Variants in AIG1 observed in about 807,000 individuals in gnomAD.
AIG1 encodes androgen induced 1.
In AIG1, 23 loss-of-function variants were observed where a neutral mutation model predicts 31.4. The ratio of observed to expected loss-of-function variants is 0.73; its 90% CI spans 0.53 to 1.04. The LOEUF (loss-of-function observed/expected upper bound fraction) is 1.04. AIG1 is among the 50% of genes least tolerant of loss of function. AIG1 has a pLI of 0.00. For synonymous variants in AIG1, 100 were observed against 110.5 expected, an observed-to-expected ratio of 0.90 and a Z score of 0.60; for missense variants, 274 against 295.0, an observed-to-expected ratio of 0.93 and a Z score of 0.52.
intron 2 of AIG1, among the ~76,000 whole-genome samples, chr6:143,163,479 C>G (rs971637363): frequency 6.6e-6 from 1 of 152,120 alleles, no homozygotes; most frequent in South Asian, 2.1e-4. Flanking sequence ...TCCTAGGATC[C>G]TCAAGTTTTC....
rs112670952 is a variant in AIG1, at chr6:143,132,158, T to C, written c.142-4677T>C. On this transcript the variant is annotated intron_variant, in intron 1 of 5. Transcript: ENST00000357847. ...GCTGTAGTTAATTATCGTTAATAAA[T>C]GTAGAAATTAGAAAAGTAAAAATCT... is the stretch of plus-strand genomic sequence containing the variant. Among the ~76,000 whole-genome samples, 466 of 152,344 alleles carry C rather than the reference T, an allele frequency of 3.1e-3. 5 individuals carry two copies. Among genetic ancestry groups the C allele is most frequent in the African/African-American group, 0.011 (447 of 41,584 alleles).
intron 3 of AIG1, among the ~76,000 whole-genome samples, chr6:143,212,805 C>T (rs919846325): frequency 6.6e-6 from 1 of 152,134 alleles, no homozygotes; most frequent in African/African-American, 2.4e-5. Flanking sequence ...TATCAAGTAG[C>T]AGCATGGTGG....
chr6:143,155,529 C>T (rs545221950), intron 2 of AIG1, among the ~76,000 whole-genome samples: 8 of 151,972 alleles, frequency 5.3e-5, no homozygotes, highest in South Asian at 4.1e-4. Context: ...AACTGGCCGC[C>T]GTGCAGGAAT....
intron 1 of AIG1, among the ~76,000 whole-genome samples, chr6:143,102,579 T>G (rs1211356599): frequency 6.8e-6 from 1 of 147,918 alleles, no homozygotes; most frequent in African/African-American, 2.5e-5. Context: ...ATATATATAA[T>G]ATAATATATA....
intron 2 of AIG1, among the ~76,000 whole-genome samples, chr6:143,164,290 A>T (rs1320548625): frequency 1.3e-5 from 2 of 152,106 alleles, no homozygotes; most frequent in Non-Finnish European, 2.9e-5. Context: ...TTTCTTTTAA[A>T]TTCAGTGCTG....
intron 5 of AIG1, 125 bp from the exon 6 acceptor site, chr6:143,339,514 G>T: frequency 1.1e-6 from 1 of 920,252 alleles, no homozygotes; most frequent in Non-Finnish European, 1.7e-6. Context: ...GGGTGTGTCA[G>T]GAGGGTGAAT....
At chr6:143,204,928 A>G (rs143072956) in intron 3 of AIG1, among the ~76,000 whole-genome samples, 2 of 152,274 alleles carry the variant, frequency 1.3e-5, no homozygotes, top group East Asian at 1.9e-4. Context: ...CAAAATAAAA[A>G]TTATGCTACC....
chr6:143,281,988 A>G (rs1261271720), intron 3 of AIG1, among the ~76,000 whole-genome samples: 3 of 152,190 alleles, frequency 2.0e-5, no homozygotes, highest in Admixed American at 6.5e-5. Context: ...TCTTCCTGGA[A>G]TGGTTTAAAG....
rs77863387 is a variant in AIG1, at chr6:143,226,121, G to T, written c.400-57989G>T. ...CAGTCATCATTGTTCTCTGACTTCT[G>T]TTTCAACATTTATCCACTTGTTTGT... is the stretch of plus-strand genomic sequence containing the variant. On this transcript the variant is annotated intron_variant, in intron 3 of 5. Transcript: ENST00000357847. Among the ~76,000 whole-genome samples, 1,431 of 152,098 alleles carry T rather than the reference G, an allele frequency of 9.4e-3. 18 individuals are homozygous for T. Among genetic ancestry groups the T allele is most frequent in the African/African-American group, 0.033 (1,385 of 41,484 alleles).
rs1335590448 is a variant in AIG1 at position 143,293,016 on chromosome 6, T to C, written c.515+8791T>C. On this transcript the variant is annotated intron_variant, in intron 4 of 5. Transcript: ENST00000357847. This position sits in a 1 kb window ranked among gnomAD's most constrained non-coding sequence, Gnocchi z 4.8. ...TCCTCGGGTCTTTGAGCAAATTACT[T>C]ATCCTCTCTTAGCCTCATTGTTACC... Among the ~76,000 whole-genome samples the C allele has an allele frequency of 6.6e-6, 1 of 152,160 alleles. No homozygotes were observed. Among genetic ancestry groups the C allele is most frequent in the Non-Finnish European group, 1.5e-5 (1 of 68,020 alleles).
intron 3 of AIG1, chr6:143,190,294 G>T: frequency 1.0e-6 from 1 of 985,440 alleles, no homozygotes; most frequent in Non-Finnish European, 1.2e-6. Flanking sequence ...TCGAGAAACA[G>T]AATAAAAAGA....
At chr6:143,209,174 G>A (rs997584165) in intron 3 of AIG1, among the ~76,000 whole-genome samples, 1 of 152,184 alleles carries the variant, frequency 6.6e-6, no homozygotes, top group Non-Finnish European at 1.5e-5. Context: ...TTAACAAGAA[G>A]CAAATGTATA....
At chr6:143,266,376 A>G (rs894286397) in intron 3 of AIG1, among the ~76,000 whole-genome samples, 4 of 151,494 alleles carry the variant, frequency 2.6e-5, no homozygotes, top group Non-Finnish European at 5.9e-5. Context: ...GAATAATAAT[A>G]TGGCCCATTC....
At chr6:143,270,713 C>A (rs191753464) in intron 3 of AIG1, among the ~76,000 whole-genome samples, 6 of 152,300 alleles carry the variant, frequency 3.9e-5, no homozygotes, top group Admixed American at 2.0e-4. Context: ...TCTCTAAGAG[C>A]TTTAATTTCA....
chr6:143,209,910 G>T (rs1278398557), intron 3 of AIG1, among the ~76,000 whole-genome samples: 2 of 152,156 alleles, frequency 1.3e-5, no homozygotes, highest in African/African-American at 4.8e-5. Flanking sequence ...GGCCTTCCTT[G>T]CCTGTCGTGT....
chr6:143,213,349 A>G (rs1791736894), intron 3 of AIG1, among the ~76,000 whole-genome samples: 1 of 152,124 alleles, frequency 6.6e-6, no homozygotes, highest in African/African-American at 2.4e-5. Flanking sequence ...GAAGTGAGAA[A>G]CAGGCAAGGA....
chr6:143,194,655 T>C (rs575176460), intron 3 of AIG1, among the ~76,000 whole-genome samples: 25 of 152,354 alleles, frequency 1.6e-4, no homozygotes, highest in African/African-American at 5.8e-4. Context: ...ATGGTTTCTC[T>C]GGCCTGGCTT....
chr6:143,209,583 G>A (rs564358765), intron 3 of AIG1, among the ~76,000 whole-genome samples: 3 of 152,254 alleles, frequency 2.0e-5, no homozygotes, highest in African/African-American at 7.2e-5. Context: ...AAGGAATGTG[G>A]ACCCACTCTA....
At chr6:143,157,085 G>T (rs1785846163) in intron 2 of AIG1, among the ~76,000 whole-genome samples, 1 of 152,126 alleles carries the variant, frequency 6.6e-6, no homozygotes, top group Non-Finnish European at 1.5e-5. Context: ...TCTTAACTTT[G>T]CTTTCACTAA....
Sources: gnomAD v4.1 joint callset for allele counts (sites outside exome capture counted in the v4.1 genomes callset) on GRCh38, gnomAD v4.1.1 for gene constraint, Gnocchi (gnomAD v3.1) non-coding constraint, MANE v1.5 for transcripts, NCBI Gene and HGNC (gene_info 2026-07-23, HGNC 2026-07-21) for gene names.